The following AGBL1 variants were observed in gnomAD, a reference collection of about 807,000 sequenced individuals.
AGBL1 encodes cytosolic carboxypeptidase 4.
AGBL1 carries 130 observed loss-of-function variants against 118.9 expected under a neutral mutation model. That is an observed-to-expected ratio of 1.09 (90% CI 0.95 to 1.26). The LOEUF is 1.26. Ranked by LOEUF, AGBL1 falls within the 50% of genes most tolerant of loss-of-function variation. AGBL1 has a pLI of 0.00. For missense variants in AGBL1, 1,584 were observed against 1,298.1 expected (o/e 1.22, Z -3.38); for synonymous variants, 555 against 478.9 (o/e 1.16, Z -2.08).
At chr15:86,404,558 T>C (rs1200191480) in intron 18 of AGBL1, among the ~76,000 whole-genome samples, 1 of 152,206 alleles carries the variant, frequency 6.6e-6, no homozygotes. Flanking sequence ...CTCAGACTTT[T>C]GGATTTCACA....
At chr15:86,272,985 A>G (rs1340080067) in intron 15 of AGBL1, among the ~76,000 whole-genome samples, 1 of 152,228 alleles carries the variant, frequency 6.6e-6, no homozygotes, top group Admixed American at 6.5e-5. Context: ...GGAAAAAAAA[A>G]TGAAAACCTA....
chr15:86,637,463 G>A (rs1172973810), intron 21 of AGBL1, among the ~76,000 whole-genome samples: 7 of 152,194 alleles, frequency 4.6e-5, no homozygotes, highest in Non-Finnish European at 1.0e-4. Context: ...TATAGTGAGT[G>A]AGGGTGGCAG....
intron 22 of AGBL1, among the ~76,000 whole-genome samples, chr15:86,676,261 C>G (rs897231565): frequency 1.6e-5 from 2 of 122,320 alleles, no homozygotes; most frequent in African/African-American, 6.1e-5. Context: ...GGGAAACTAC[C>G]TATTTCACCC....
chr15:86,524,518 C>G (rs1395124731), intron 19 of AGBL1, among the ~76,000 whole-genome samples: 1 of 152,198 alleles, frequency 6.6e-6, no homozygotes. Flanking sequence ...GGAAACCTCA[C>G]TTAGCTCTGG....
intron 21 of AGBL1, among the ~76,000 whole-genome samples, chr15:86,642,105 G>C (rs1178512106): frequency 2.6e-5 from 4 of 152,120 alleles, no homozygotes; most frequent in Non-Finnish European, 5.9e-5. Context: ...TTTGGCCAAA[G>C]CAAATCACAC....
chr15:86,594,887 G>A (rs1212525194), intron 21 of AGBL1, among the ~76,000 whole-genome samples: 1 of 152,086 alleles, frequency 6.6e-6, no homozygotes, highest in Non-Finnish European at 1.5e-5. Flanking sequence ...ATGCCTACTT[G>A]AATAACATTA....
intron 5 of AGBL1, among the ~76,000 whole-genome samples, chr15:86,175,725 T>A (rs1899856): frequency 6.6e-6 from 1 of 152,088 alleles, no homozygotes; most frequent in East Asian, 1.9e-4. Flanking sequence ...CAAGAATTTT[T>A]AAATTTCCTT....
At chr15:86,703,118 G>A (rs1210702273) in intron 22 of AGBL1, among the ~76,000 whole-genome samples, 1 of 152,166 alleles carries the variant, frequency 6.6e-6, no homozygotes, top group Non-Finnish European at 1.5e-5. Context: ...TATCAACTGG[G>A]TAGAGTGGTG....
chr15:86,561,603 G>A (rs1240319667), intron 21 of AGBL1, among the ~76,000 whole-genome samples: 2 of 152,122 alleles, frequency 1.3e-5, no homozygotes, highest in East Asian at 1.9e-4. Flanking sequence ...CTCCAGCTTC[G>A]TTCTTTTGGC....
intron 22 of AGBL1, among the ~76,000 whole-genome samples, chr15:86,903,223 T>A (rs1439464244): frequency 6.6e-6 from 1 of 152,100 alleles, no homozygotes; most frequent in African/African-American, 2.4e-5. Flanking sequence ...TAGCTTTTGA[T>A]ATTTTTTCAT....
At chr15:86,584,146 C>T (rs1293104395) in intron 21 of AGBL1, among the ~76,000 whole-genome samples, 2 of 152,050 alleles carry the variant, frequency 1.3e-5, no homozygotes, top group African/African-American at 4.8e-5. Context: ...TCTGTTGACT[C>T]TTTTGATAGT....
chr15:86,539,084 C>T (rs2083460917), intron 19 of AGBL1, among the ~76,000 whole-genome samples: 2 of 106,282 alleles, frequency 1.9e-5, no homozygotes, highest in African/African-American at 8.4e-5. Flanking sequence ...ATGCATAATC[C>T]AATCCATACC....
rs1265017568 is a variant in AGBL1, at chr15:86,721,992, C to G, written c.3158+47556C>G. On this transcript the variant is annotated intron_variant, in intron 22 of 22. Coordinates refer to ENST00000614907, the MANE Select transcript of AGBL1 (RefSeq NM_001386094.1). The stretch of plus-strand genomic sequence containing the variant: ...TCAAGGAGAACTACAAACCACTGCT[C>G]AAGGAAATCAAAGAGGATACAAACA... Among the ~76,000 whole-genome samples, 8 of 152,092 alleles carry G rather than the reference C, an allele frequency of 5.3e-5. No individual in the cohort carries two copies. The East Asian group carries it at 1.5e-3, about 29-fold the overall frequency.
intron 21 of AGBL1, among the ~76,000 whole-genome samples, chr15:86,597,625 T>G (rs1349829893): frequency 6.6e-6 from 1 of 152,174 alleles, no homozygotes; most frequent in Admixed American, 6.6e-5. Context: ...ACTTGCAGTA[T>G]TCATGTCTTG....
intron 22 of AGBL1, among the ~76,000 whole-genome samples, chr15:86,835,733 G>C (rs1489725096): frequency 3.3e-5 from 5 of 152,122 alleles, no homozygotes. Context: ...TACAAGGATT[G>C]GGATATAAAC....
chr15:86,494,217 T>C (rs1314432985), intron 18 of AGBL1, among the ~76,000 whole-genome samples: 1 of 152,124 alleles, frequency 6.6e-6, no homozygotes, highest in African/African-American at 2.4e-5. Flanking sequence ...ATGTGGTTAA[T>C]ATGAGGCATG....
At chr15:86,216,183 T>A (rs1057022091) in intron 5 of AGBL1, among the ~76,000 whole-genome samples, 4 of 152,204 alleles carry the variant, frequency 2.6e-5, no homozygotes, top group African/African-American at 7.2e-5. Flanking sequence ...GATCACGCCA[T>A]CTGCAAATAG....
intron 18 of AGBL1, among the ~76,000 whole-genome samples, chr15:86,468,855 G>A (rs576614553): frequency 6.6e-6 from 1 of 152,218 alleles, no homozygotes; most frequent in African/African-American, 2.4e-5. Context: ...AAGCTGAAGG[G>A]GAATAGACAT....
rs142252116 is a variant in AGBL1 at position 86,647,277 on chromosome 15, C to G, written c.2995-26996C>G. 4.1e-4 allele frequency among the ~76,000 whole-genome samples: 63 copies of G among 151,970 alleles called. No individual in the cohort carries two copies. The East Asian group carries it at 0.011, about 27-fold the overall frequency. The stretch of plus-strand genomic sequence containing the variant: ...AATAAAACATGGACAATAAAATCAC[C>G]TGTGTCCTATATTTGTTAATGATCT... On this transcript the variant is annotated intron_variant, in intron 21 of 22. Coordinates refer to ENST00000614907, the MANE Select transcript of AGBL1 (RefSeq NM_001386094.1).
Sources: allele counts gnomAD v4.1 joint callset (sites outside exome capture counted in the v4.1 genomes callset), GRCh38; gene constraint gnomAD v4.1.1; transcripts MANE v1.5; gene names NCBI Gene and HGNC (gene_info 2026-07-23, HGNC 2026-07-21).